The following OPCML variants were observed in gnomAD, a reference collection of about 807,000 sequenced individuals.
OPCML encodes the protein opioid binding protein/cell adhesion molecule like, also known as opioid-binding protein/cell adhesion molecule.
OPCML carries 13 observed loss-of-function variants against 37.8 expected under a neutral mutation model. The observed-to-expected ratio is 0.34, with a 90% CI of 0.22 to 0.55. The LOEUF (loss-of-function observed/expected upper bound fraction) is 0.55. Ranked by LOEUF, OPCML falls within the 20% of genes least tolerant of loss-of-function variation. The pLI is 0.91. For synonymous variants in OPCML, 176 were observed against 168.8 expected (o/e 1.04, Z -0.33); for missense variants, 341 against 435.6 (o/e 0.78, Z 1.93).
chr11:133,412,963 T>C (rs1945681016), intron 1 of OPCML, among the ~76,000 whole-genome samples: 1 of 152,222 alleles, frequency 6.6e-6, no homozygotes, highest in Non-Finnish European at 1.5e-5. Flanking sequence ...ACAAGTCTTC[T>C]TTGGGAGGAC....
At chr11:133,184,134 G>A (rs2136290233) in intron 1 of OPCML, among the ~76,000 whole-genome samples, 1 of 152,312 alleles carries the variant, frequency 6.6e-6, no homozygotes, top group East Asian at 1.9e-4. Flanking sequence ...TCAGGTTGGA[G>A]TGGCAAGTGA....
chr11:132,521,929 C>A (rs1441977039), intron 4 of OPCML, among the ~76,000 whole-genome samples: 1 of 152,158 alleles, frequency 6.6e-6, no homozygotes, highest in Non-Finnish European at 1.5e-5. Context: ...GGTACCATAA[C>A]AATCAAGATA....
intron 2 of OPCML, among the ~76,000 whole-genome samples, chr11:132,783,838 C>T (rs563016581): frequency 6.6e-6 from 1 of 152,200 alleles, no homozygotes; most frequent in Admixed American, 6.5e-5. Flanking sequence ...AAAACAAGCT[C>T]TGAAATCAAT....
intron 1 of OPCML, among the ~76,000 whole-genome samples, chr11:133,354,136 G>C (rs903365715): frequency 2.5e-5 from 1 of 39,322 alleles, no homozygotes; most frequent in Non-Finnish European, 5.8e-5. Flanking sequence ...ATCAAAGGGC[G>C]TTTATAAAAA....
intron 1 of OPCML, chr11:133,008,602 T>C (rs1947157192): frequency 4.1e-6 from 1 of 242,558 alleles, no homozygotes; most frequent in Non-Finnish European, 6.6e-6. Context: ...CACTCCACTT[T>C]ACAGGGACAG....
At chr11:133,424,340 T>G (rs1470247968) in intron 1 of OPCML, among the ~76,000 whole-genome samples, 1 of 152,240 alleles carries the variant, frequency 6.6e-6, no homozygotes, top group Non-Finnish European at 1.5e-5. Flanking sequence ...ATTATTAAAA[T>G]AGTGTTTATT....
At chr11:133,110,975 GATA>G (rs1176835926) in intron 1 of OPCML, among the ~76,000 whole-genome samples, 2 of 152,158 alleles carry the variant, frequency 1.3e-5, no homozygotes, top group African/African-American at 2.4e-5. Context: ...AGGTGGGAAT[GATA>G]ATAATAATAC....
In OPCML at chr11:132,476,055, C is replaced by T. The variant is rs77551148; in HGVS notation, c.506-38696G>A. Among the ~76,000 whole-genome samples, 940 of 152,266 alleles carry T rather than the reference C, an allele frequency of 6.2e-3. 5 individuals carry two copies. The highest frequency in any genetic ancestry group is 0.02 in the Middle Eastern group (6 of 294). On this transcript the variant is annotated intron_variant, in intron 4 of 7. Transcript: ENST00000524381. ...GTGTAGAATCCTTAAAAGTACTTGA[C>T]GCTATCAGCACTATGTAAGATACAT...
At chr11:132,595,044 A>G (rs2096490330) in intron 3 of OPCML, among the ~76,000 whole-genome samples, 1 of 152,136 alleles carries the variant, frequency 6.6e-6, no homozygotes, top group African/African-American at 2.4e-5. Flanking sequence ...GGAAAGTATT[A>G]TTTTCAATGT....
intron 2 of OPCML, among the ~76,000 whole-genome samples, chr11:132,916,354 C>A (rs987504173): frequency 3.9e-5 from 6 of 152,124 alleles, no homozygotes; most frequent in Admixed American, 6.5e-5. Context: ...GTTCCATGGC[C>A]TAGTCAAGCT....
chr11:132,473,098 C>A (rs1490836025), intron 4 of OPCML, among the ~76,000 whole-genome samples: 1 of 152,186 alleles, frequency 6.6e-6, no homozygotes, highest in Admixed American at 6.5e-5. Flanking sequence ...ATGAAAAATT[C>A]TCATTCAAAT....
intron 3 of OPCML, among the ~76,000 whole-genome samples, chr11:132,549,652 C>A (rs758412318): frequency 6.6e-6 from 1 of 152,194 alleles, no homozygotes; most frequent in Non-Finnish European, 1.5e-5. Flanking sequence ...CATAGACAAG[C>A]AAGCTGGGAG....
intron 2 of OPCML, among the ~76,000 whole-genome samples, chr11:132,905,225 CTTTTTTTTTT>C (rs373679886): frequency 0.088 from 7,812 of 88,486 alleles, 369 homozygotes; most frequent in Middle Eastern, 0.26. Context: ...GAAAGCAGTT[CTTTTTTTTTT>C]TTTTTTTTTT....
chr11:133,060,780 C>T (rs551211060), intron 1 of OPCML, among the ~76,000 whole-genome samples: 12 of 152,362 alleles, frequency 7.9e-5, no homozygotes, highest in African/African-American at 2.9e-4. Flanking sequence ...ACAGCAGCCC[C>T]TGGCTAAACA....
chr11:132,426,963 C>T (rs532376504), intron 7 of OPCML, among the ~76,000 whole-genome samples: 4 of 152,312 alleles, frequency 2.6e-5, no homozygotes, highest in Admixed American at 1.3e-4. Flanking sequence ...TGCTGAGATC[C>T]TGCCTCATGA....
intron 1 of OPCML, among the ~76,000 whole-genome samples, chr11:133,434,758 C>T (rs1946195764): frequency 7.2e-6 from 1 of 139,830 alleles, no homozygotes; most frequent in African/African-American, 2.7e-5. Context: ...TAGATCCAAT[C>T]AAGTGATGGC....
At chr11:132,844,017 T>C (rs988584084) in intron 2 of OPCML, among the ~76,000 whole-genome samples, 1 of 152,200 alleles carries the variant, frequency 6.6e-6, no homozygotes, top group South Asian at 2.1e-4. Flanking sequence ...CTTGTGCTGT[T>C]CTCATGATAG....
At chr11:133,150,539 T>A (rs1384333637) in intron 1 of OPCML, among the ~76,000 whole-genome samples, 2 of 152,184 alleles carry the variant, frequency 1.3e-5, no homozygotes, top group African/African-American at 4.8e-5. Context: ...TATGCTGCCT[T>A]ACAGTGTCCT....
rs1591924424 is a variant in OPCML, at chr11:133,026,147, A to T, written c.62-83137T>A. 7 of 941,376 alleles carry T rather than the reference A, an allele frequency of 7.4e-6. No homozygotes were observed. In the South Asian group the frequency reaches 2.0e-4, roughly 26 times the overall value. 58.3% of individuals were successfully genotyped at this position (941,376 alleles called of 1,614,324 possible). A position where few individuals can be genotyped will look rare whatever the true frequency, so the allele number is the denominator to read the frequency against. On this transcript the variant is annotated intron_variant, in intron 1 of 7. Coordinates refer to ENST00000524381, the MANE Select transcript of OPCML (RefSeq NM_001012393.5). ...TAATAACTATTAGAAAACACCACCC[A>T]TCTGAGTAATTTTTGTTTTAATAGC...
Sources: gnomAD v4.1 joint callset for allele counts (sites outside exome capture counted in the v4.1 genomes callset) on GRCh38, gnomAD v4.1.1 for gene constraint, MANE v1.5 for transcripts, NCBI Gene and HGNC (gene_info 2026-07-23, HGNC 2026-07-21) for gene names.